The following CLN6 variants were observed in gnomAD, a reference collection of about 807,000 sequenced individuals.
CLN6 encodes CLN6 transmembrane ER protein, also known as ceroid-lipofuscinosis neuronal protein 6.
Under a neutral mutation model 33.3 loss-of-function variants are expected in CLN6, and 22 were observed. That is an observed-to-expected ratio of 0.66 (90% CI 0.47 to 0.94). The LOEUF (loss-of-function observed/expected upper bound fraction) is 0.94. Among genes scored for constraint, CLN6 ranks in the 40% least tolerant of loss-of-function variants. CLN6 has a pLI of 0.00. For missense variants in CLN6, 387 were observed against 417.1 expected (o/e 0.93, Z 0.63); for synonymous variants, 201 against 174.6 (o/e 1.15, Z -1.19).
chr15:68,229,462 C>T, intron 1 of CLN6, 40 bp downstream of exon 1: 1 of 1,424,334 alleles, frequency 7.0e-7, no homozygotes, highest in Non-Finnish European at 9.3e-7. Context: ...CCCCAGCGCA[C>T]AGGCGCCTAG....
rs2093258603 is a variant in CLN6 at position 68,228,541 on chromosome 15, T to C, written c.83+961A>G. 1.3e-5 allele frequency among the ~76,000 whole-genome samples: 2 copies of C among 152,168 alleles called. No homozygotes were observed. ...AATTAAAGGCCCTTCACAATCAGTC[T>C]GCATCCTCCTGTCACTTTCTTTTAC... On this transcript the variant is annotated intron_variant, in intron 1 of 6. Coordinates refer to ENST00000249806, the MANE Select transcript of CLN6 (RefSeq NM_017882.3). The surrounding 1 kb of genome is among the most constrained non-coding windows in gnomAD (Gnocchi z 4.4).
At position 68,211,570 on chromosome 15, in the gene CLN6, T is replaced by C. The variant is rs1173829122; in HGVS notation, c.486+105A>G. Reference sequence around the variant, plus strand: ...AGTGCCCTCACCTAGCAGAATGCCTTTGGTGAAAGGACAGGTGCGGCGAGG... The same window carrying C: ...AGTGCCCTCACCTAGCAGAATGCCTCTGGTGAAAGGACAGGTGCGGCGAGG... On this transcript the variant is annotated intron_variant, in intron 4 of 6. Coordinates refer to ENST00000249806, the MANE Select transcript of CLN6 (RefSeq NM_017882.3). This position sits in a 1 kb window ranked among gnomAD's most constrained non-coding sequence, Gnocchi z 5.9. The C allele has an allele frequency of 2.1e-5, 34 of 1,601,392 alleles. No homozygotes were observed. In the Admixed American group the frequency reaches 4.8e-4, roughly 23 times the overall value.
intron 2 of CLN6, 35 bp from the exon 3 acceptor site, chr15:68,214,423 C>A (rs1202961580): frequency 6.5e-7 from 1 of 1,543,082 alleles, no homozygotes; most frequent in Non-Finnish European, 9.0e-7. Flanking sequence ...CTCACCTGGG[C>A]ACAGCCCCAC....
chr15:68,214,097 C>T (rs1595819440), intron 3 of CLN6, 193 bp downstream of exon 3: 4 of 564,910 alleles, frequency 7.1e-6, no homozygotes, highest in Non-Finnish European at 1.3e-5. Flanking sequence ...GCATATTTTC[C>T]ATCCCTCCAG....
In CLN6 at chr15:68,211,804, G is replaced by C. The variant is rs141950483; in HGVS notation, c.357C>G (p.Ile119Met). Residue 119 changes from isoleucine to methionine, a missense_variant, in exon 4 of 7, where the codon ATC becomes ATG. Ile to Met is a conservative substitution (Grantham distance 10). Transcript: ENST00000249806. This position sits in a 1 kb window ranked among gnomAD's most constrained non-coding sequence, Gnocchi z 5.9. The stretch of plus-strand genomic sequence containing the variant: ...GGTGGATGCTGGCACCCATGATGAA[G>C]ATGATGATGCTCACGTACGTGATGG... ...PRSITYVSII[I>M]FIMGASIHLV... 3.7e-6 allele frequency: 6 copies of C among 1,613,860 alleles called. No individual in the cohort carries two copies. In the African/African-American group the frequency reaches 8.0e-5, roughly 22 times the overall value.
In CLN6 at chr15:68,246,046, C is replaced by T. The variant is rs1038527752; in HGVS notation, c.179+10644G>A. On this transcript the variant is annotated intron_variant, in intron 1 of 6. Coordinates refer to the CLN6 transcript ENST00000538696. This position sits in a 1 kb window ranked among gnomAD's most constrained non-coding sequence, Gnocchi z 4.5. ...ATTATAAGTATCTATGCACTCAACA[C>T]TGGAGCACCCAAGTATATTAAGTAA... Among the ~76,000 whole-genome samples, 5 of 152,146 alleles carry T rather than the reference C, an allele frequency of 3.3e-5. No individual in the cohort carries two copies. The highest frequency in any genetic ancestry group is 9.7e-5 in the African/African-American group (4 of 41,414).
intron 1 of CLN6, among the ~76,000 whole-genome samples, chr15:68,248,028 CAAA>C (rs34262273): frequency 2.5e-5 from 3 of 118,182 alleles, no homozygotes; most frequent in Admixed American, 8.6e-5. Flanking sequence ...AACTCAGTCT[CAAA>C]AAAAAAAAAA....
At position 68,241,008 on chromosome 15, in the gene CLN6, A is replaced by C. The variant is rs565169494; in HGVS notation, c.179+15682T>G. Among the ~76,000 whole-genome samples the C allele has an allele frequency of 1.2e-4, 18 of 152,132 alleles. No homozygotes were observed. The highest frequency in any genetic ancestry group is 2.2e-4 in the African/African-American group (9 of 41,522). ...CCCAAAAAAAAAAAACAAAAAAAAA[A>C]ACACAGTAGCATTCACAAATAAGCA... On this transcript the variant is annotated intron_variant, in intron 1 of 6. Coordinates refer to the CLN6 transcript ENST00000538696. This position sits in a 1 kb window ranked among gnomAD's most constrained non-coding sequence, Gnocchi z 4.2.
intron 1 of CLN6, among the ~76,000 whole-genome samples, chr15:68,245,535 C>T (rs1052628498): frequency 5.9e-5 from 9 of 151,868 alleles, no homozygotes; most frequent in African/African-American, 1.9e-4. Context: ...CACTGTACTC[C>T]AGCCTGGGTG....
chr15:68,254,024 C>A (rs1018723328), intron 1 of CLN6, among the ~76,000 whole-genome samples: 1 of 151,846 alleles, frequency 6.6e-6, no homozygotes, highest in African/African-American at 2.4e-5. Context: ...ACTACAGGCG[C>A]CCACCACCGC....
chr15:68,214,106 A>T (rs2093213677), intron 3 of CLN6, 184 bp downstream of exon 3: 1 of 588,992 alleles, frequency 1.7e-6, no homozygotes, highest in African/African-American at 1.9e-5. Context: ...CCATCCCTCC[A>T]GGCCACCGGC....
At chr15:68,233,742 G>A (rs1281331065), upstream of CLN6, among the ~76,000 whole-genome samples, 1 of 152,196 alleles carries the variant, frequency 6.6e-6, no homozygotes, top group Non-Finnish European at 1.5e-5. The surrounding 1 kb of genome is among the most constrained non-coding windows in gnomAD (Gnocchi z 4.3). Context: ...CAGTTACTTT[G>A]GAGAGAGGCA....
At chr15:68,215,036 T>C (rs1299263308) in intron 2 of CLN6, 1 of 156,348 alleles carries the variant, frequency 6.4e-6, no homozygotes, top group Non-Finnish European at 1.4e-5. Context: ...CCTTCTGCAA[T>C]GCTCTCTCTT....
chr15:68,211,540 G>C lies in CLN6; in HGVS notation c.486+135C>G. ...ACTTGAGCATCCTAGCTTGGGGCAG[G>C]CGACAGTGCCCTCACCTAGCAGAAT... On this transcript the variant is annotated intron_variant, in intron 4 of 6. Coordinates refer to ENST00000249806, the MANE Select transcript of CLN6 (RefSeq NM_017882.3). This position sits in a 1 kb window ranked among gnomAD's most constrained non-coding sequence, Gnocchi z 5.9. 1.3e-6 allele frequency: 2 copies of C among 1,596,190 alleles called. No individual in the cohort carries two copies. The highest frequency in any genetic ancestry group is 1.7e-5 in the Admixed American group (1 of 59,778).
intron 1 of CLN6, among the ~76,000 whole-genome samples, chr15:68,229,287 AGCCCC>A (rs2093261053): frequency 2.6e-5 from 4 of 152,142 alleles, no homozygotes; most frequent in Non-Finnish European, 5.9e-5. Flanking sequence ...GGGGAGGCCG[AGCCCC>A]GCTGGGCCCC....
chr15:68,220,411 T>C lies in CLN6; in HGVS notation c.84-1761A>G, dbSNP rs755363590. 2.6e-5 allele frequency among the ~76,000 whole-genome samples: 4 copies of C among 152,224 alleles called. No homozygotes were observed. Among genetic ancestry groups the C allele is most frequent in the Non-Finnish European group, 5.9e-5 (4 of 68,038 alleles). On this transcript the variant is annotated intron_variant, in intron 1 of 6. Coordinates refer to ENST00000249806, the MANE Select transcript of CLN6 (RefSeq NM_017882.3). The surrounding 1 kb of genome is among the most constrained non-coding windows in gnomAD (Gnocchi z 4.2). ...TTTTGTCAGCCTATTTCCCACCCACTGCTTCTTCTGGTAAGACATGATATT... is the reference window on the plus strand; with the variant it reads ...TTTTGTCAGCCTATTTCCCACCCACCGCTTCTTCTGGTAAGACATGATATT...
intron 2 of CLN6, among the ~76,000 whole-genome samples, chr15:68,216,450 G>A (rs2141143309): frequency 6.6e-6 from 1 of 152,292 alleles, no homozygotes; most frequent in East Asian, 1.9e-4. Context: ...AAAGACTGCA[G>A]GAAGGAGAAC....
At position 68,220,776 on chromosome 15, in the gene CLN6, A is replaced by G. The variant is rs1381306327; in HGVS notation, c.84-2126T>C. Among the ~76,000 whole-genome samples, 1 of 152,228 alleles carries G rather than the reference A, an allele frequency of 6.6e-6. No homozygotes were observed. The highest frequency in any genetic ancestry group is 2.4e-5 in the African/African-American group (1 of 41,458). ...CCAGTCGTCCTGAATAACACACACA[A>G]TTCAAACCTGGGTTTATGTTAATTC... On this transcript the variant is annotated intron_variant, in intron 1 of 6. Transcript: ENST00000249806. The surrounding 1 kb of genome is among the most constrained non-coding windows in gnomAD (Gnocchi z 4.2).
chr15:68,239,095 C>G (rs1391799166), intron 1 of CLN6, among the ~76,000 whole-genome samples: 1 of 150,992 alleles, frequency 6.6e-6, no homozygotes, highest in Non-Finnish European at 1.5e-5. Flanking sequence ...AGGGTAATCA[C>G]TAAAAACAGA....
Sources: allele counts gnomAD v4.1 joint callset (sites outside exome capture counted in the v4.1 genomes callset), GRCh38; gene constraint gnomAD v4.1.1; non-coding constraint Gnocchi (gnomAD v3.1); transcripts MANE v1.5; gene names NCBI Gene and HGNC (gene_info 2026-07-23, HGNC 2026-07-21).